PCSK5: variants seen among roughly 807,000 people sequenced by gnomAD.
PCSK5 encodes the protein prohormone convertase 5.
A neutral mutation model predicts 233.2 loss-of-function variants in PCSK5; 129 were observed. The observed-to-expected ratio is 0.55, with a 90% CI of 0.48 to 0.64. The LOEUF (loss-of-function observed/expected upper bound fraction) is 0.64. PCSK5 is among the 30% of genes least tolerant of loss of function. The pLI, the probability that PCSK5 is intolerant of heterozygous loss-of-function variation, is 0.00. For missense variants in PCSK5, 2,076 were observed against 2,430.1 expected (o/e 0.85, Z 3.06); for synonymous variants, 825 against 879.2 (o/e 0.94, Z 1.09).
At chr9:76,032,415 A>G (rs1257994065) in intron 5 of PCSK5, among the ~76,000 whole-genome samples, 1 of 152,204 alleles carries the variant, frequency 6.6e-6, no homozygotes, top group Non-Finnish European at 1.5e-5. Context: ...TAGTACTAAC[A>G]GAGGATCTAG....
chr9:76,047,792 T>C (rs1829475891), intron 5 of PCSK5, among the ~76,000 whole-genome samples: 1 of 152,206 alleles, frequency 6.6e-6, no homozygotes, highest in African/African-American at 2.4e-5. Flanking sequence ...GGTGCTTTGT[T>C]TGTAATAATA....
chr9:76,351,508 GAAAGAAAGAAAGAAAGAAAGA>G lies in PCSK5; in HGVS notation c.5067+583_5067+603del, dbSNP rs1564196821. Among the ~76,000 whole-genome samples the G allele has an allele frequency of 1.3e-4, 14 of 108,082 alleles. 1 individual carries two copies. Among genetic ancestry groups the G allele is most frequent in the African/African-American group, 4.1e-4 (12 of 29,276 alleles). 70.9% of individuals were successfully genotyped at this position (108,082 alleles called of 152,430 possible). A position where few individuals can be genotyped will look rare whatever the true frequency, so the allele number is the denominator to read the frequency against. ...AGAAAGAAAGAAAGAAAGAAAGAAA[GAAAGAAAGAAAGAAAGAAAGA>G]AAGGAAGGAAAGAAAGAGAAAGAAG... On this transcript the variant is annotated intron_variant, in intron 36 of 37. Coordinates refer to ENST00000674117, the MANE Select transcript of PCSK5 (RefSeq NM_001372043.1).
chr9:76,204,906 G>T (rs1825053647), intron 20 of PCSK5, among the ~76,000 whole-genome samples: 1 of 152,130 alleles, frequency 6.6e-6, no homozygotes, highest in Non-Finnish European at 1.5e-5. Flanking sequence ...AAATTCACTG[G>T]CTGGATCACT....
chr9:76,097,229 A>G (rs1390987477), intron 8 of PCSK5, among the ~76,000 whole-genome samples: 3 of 141,554 alleles, frequency 2.1e-5, no homozygotes, highest in Admixed American at 7.3e-5. Context: ...CACCGCGCCC[A>G]GCCAAAAAGT....
At chr9:75,952,603 G>A (rs1012471561) in intron 2 of PCSK5, among the ~76,000 whole-genome samples, 9 of 152,094 alleles carry the variant, frequency 5.9e-5, no homozygotes. Flanking sequence ...ATTCTCATGG[G>A]TCCCTTTATA....
chr9:76,209,576 G>A (rs1053142340), intron 20 of PCSK5: 20 of 511,098 alleles, frequency 3.9e-5, no homozygotes, highest in African/African-American at 3.1e-4. Context: ...TTTAACTATC[G>A]TGTCACTGCT....
In PCSK5 at chr9:75,981,434, T is replaced by C. The variant is rs116344521; in HGVS notation, c.298-4698T>C. Among the ~76,000 whole-genome samples the C allele has an allele frequency of 8.4e-3, 1,275 of 152,352 alleles. 21 individuals carry two copies. Among genetic ancestry groups the C allele is most frequent in the African/African-American group, 0.028 (1,168 of 41,594 alleles). On this transcript the variant is annotated intron_variant, in intron 2 of 37. Coordinates refer to ENST00000674117, the MANE Select transcript of PCSK5 (RefSeq NM_001372043.1). ...CAAATCCAACTCCTTTTTATTACTTTACCCAATTTTCTTAATATTTAAGTT... is the reference window on the plus strand; with the variant it reads ...CAAATCCAACTCCTTTTTATTACTTCACCCAATTTTCTTAATATTTAAGTT...
intron 21 of PCSK5, among the ~76,000 whole-genome samples, chr9:76,231,678 C>T (rs1389272465): frequency 6.6e-6 from 1 of 152,164 alleles, no homozygotes; most frequent in Non-Finnish European, 1.5e-5. Context: ...AGTCTTCTAG[C>T]TCAGTAACTG....
At chr9:75,930,072 A>G (rs1823710834) in intron 1 of PCSK5, among the ~76,000 whole-genome samples, 1 of 152,124 alleles carries the variant, frequency 6.6e-6, no homozygotes, top group Admixed American at 6.6e-5. Context: ...CATGTTGGGC[A>G]GGCTGGTCTT....
intron 35 of PCSK5, among the ~76,000 whole-genome samples, chr9:76,343,333 TTGTGTGTGTG>T (rs57513234): frequency 2.5e-4 from 34 of 133,898 alleles, no homozygotes; most frequent in South Asian, 5.0e-4. Flanking sequence ...CCTGGGTAAT[TTGTGTGTGTG>T]TGTGTGTGTG....
At chr9:76,211,099 T>C (rs774115284) in intron 20 of PCSK5, among the ~76,000 whole-genome samples, 2 of 152,180 alleles carry the variant, frequency 1.3e-5, no homozygotes, top group African/African-American at 2.4e-5. Context: ...TGCAGGATTA[T>C]TGAACTCAGG....
intron 26 of PCSK5, 72 bp from the exon 27 acceptor site, chr9:76,296,593 C>T: frequency 1.0e-6 from 1 of 958,546 alleles, no homozygotes; most frequent in South Asian, 1.4e-5. Flanking sequence ...AAAATTTCCT[C>T]CAGCCTCTTT....
chr9:76,101,967 A>G (rs1831777349), intron 8 of PCSK5, among the ~76,000 whole-genome samples: 1 of 152,220 alleles, frequency 6.6e-6, no homozygotes, highest in Non-Finnish European at 1.5e-5. Flanking sequence ...TTTCATGAGT[A>G]AAAGTCTAGT....
intron 1 of PCSK5, among the ~76,000 whole-genome samples, chr9:75,905,723 C>T (rs1188751196): frequency 6.6e-6 from 1 of 152,170 alleles, no homozygotes; most frequent in Admixed American, 6.5e-5. Context: ...GGCCGGTAGA[C>T]TCTTGTAGCA....
intron 3 of PCSK5, among the ~76,000 whole-genome samples, chr9:75,992,313 A>G (rs1246657019): frequency 6.6e-6 from 1 of 152,190 alleles, no homozygotes; most frequent in Non-Finnish European, 1.5e-5. Context: ...TCAATTTACA[A>G]TAGATGTATG....
chr9:75,941,692 T>C (rs1824312008), intron 2 of PCSK5, among the ~76,000 whole-genome samples: 1 of 152,194 alleles, frequency 6.6e-6, no homozygotes, highest in African/African-American at 2.4e-5. Context: ...CATACACTCT[T>C]GGGAGAAGCC....
At chr9:76,076,463 T>G (rs1830649814) in intron 7 of PCSK5, among the ~76,000 whole-genome samples, 1 of 152,106 alleles carries the variant, frequency 6.6e-6, no homozygotes, top group Admixed American at 6.6e-5. Flanking sequence ...ATTGAAGTGG[T>G]CCAGGAGAGT....
chr9:76,150,994 G>C (rs1823649828), intron 10 of PCSK5, among the ~76,000 whole-genome samples: 1 of 145,508 alleles, frequency 6.9e-6, no homozygotes, highest in Admixed American at 6.9e-5. Context: ...ATATTTAGCT[G>C]TTTCTTTTTA....
chr9:76,015,756 A>T (rs540866842), intron 3 of PCSK5, among the ~76,000 whole-genome samples: 1 of 152,306 alleles, frequency 6.6e-6, no homozygotes, highest in South Asian at 2.1e-4. Flanking sequence ...CTTCAACTTG[A>T]TGCACGGATT....
Sources: allele counts gnomAD v4.1 joint callset (sites outside exome capture counted in the v4.1 genomes callset), GRCh38; gene constraint gnomAD v4.1.1; transcripts MANE v1.5; gene names NCBI Gene and HGNC (gene_info 2026-07-23, HGNC 2026-07-21).